PLEKHM1: variants seen among roughly 807,000 people sequenced by gnomAD.
PLEKHM1 encodes the protein pleckstrin homology and RUN domain containing M1.
PLEKHM1 carries 28 observed loss-of-function variants against 94.3 expected under a neutral mutation model. The observed-to-expected ratio is 0.30, with a 90% CI of 0.22 to 0.41. The LOEUF (loss-of-function observed/expected upper bound fraction) is 0.41, where lower values mean the gene tolerates loss of function less well. Among genes scored for constraint, PLEKHM1 ranks in the 10% least tolerant of loss-of-function variants. The pLI, the probability that PLEKHM1 is intolerant of heterozygous loss-of-function variation, is 1.00. For synonymous variants in PLEKHM1, 424 were observed against 581.2 expected (o/e 0.73, Z 3.89); for missense variants, 907 against 1,358.6 (o/e 0.67, Z 5.22).
At chr17:45,481,404 GA>G (rs1184160275) in intron 2 of PLEKHM1, among the ~76,000 whole-genome samples, 1 of 150,978 alleles carries the variant, frequency 6.6e-6, no homozygotes, top group Non-Finnish European at 1.5e-5. Context: ...TTTTAATCTT[GA>G]AATAGTCTAA....
chr17:45,453,004 G>C lies in PLEKHM1; in HGVS notation c.2497+351C>G. 2 of 484,190 alleles carry C rather than the reference G, an allele frequency of 4.1e-6. No homozygotes were observed. Among genetic ancestry groups the C allele is most frequent in the Admixed American group, 6.7e-5 (2 of 30,042 alleles). 30.0% of individuals were successfully genotyped at this position (484,190 alleles called of 1,614,324 possible). On this transcript the variant is annotated intron_variant, in intron 7 of 11. Coordinates refer to ENST00000430334, the MANE Select transcript of PLEKHM1 (RefSeq NM_014798.3). The surrounding 1 kb of genome is among the most constrained non-coding windows in gnomAD (Gnocchi z 4.1). ...CTTATAAAAGCAGCAGAAATATTTG[G>C]AAGGAAACCATGCCCCTGCTCTGAA...
chr17:45,452,020 T>C (rs1220855113), intron 7 of PLEKHM1, among the ~76,000 whole-genome samples: 1 of 152,088 alleles, frequency 6.6e-6, no homozygotes, highest in Non-Finnish European at 1.5e-5. Flanking sequence ...GAAACAGGCT[T>C]CCCTCCAGTC....
chr17:45,453,795 T>C lies in PLEKHM1; in HGVS notation c.2057A>G (p.Lys686Arg). 2 of 1,614,000 alleles carry C rather than the reference T, an allele frequency of 1.2e-6. No homozygotes were observed. The highest frequency in any genetic ancestry group is 1.3e-5 in the African/African-American group (1 of 75,070). ...SAQVPEPDAI[K>R]ESLLYLYMDR... is the part of the protein sequence containing the mutation. ...CATGTACAAGTACAGCAGGGACTCC[T>C]TGATGGCATCTGGCTCTGGAACCTG... Residue 686 changes from lysine (K) to arginine (R), a missense_variant, in exon 7 of 12, where the codon AAG becomes AGG. Lys to Arg is a conservative substitution (Grantham distance 26). Transcript: ENST00000430334. This position sits in a 1 kb window ranked among gnomAD's most constrained non-coding sequence, Gnocchi z 4.1.
chr17:45,486,561 G>A (rs2052137110), intron 1 of PLEKHM1, among the ~76,000 whole-genome samples: 3 of 151,674 alleles, frequency 2.0e-5, no homozygotes, highest in Non-Finnish European at 4.4e-5. Context: ...GCAACAGAGC[G>A]AGACTCCATC....
At chr17:45,438,883 C>T (rs969343697) in intron 11 of PLEKHM1, among the ~76,000 whole-genome samples, 1 of 152,218 alleles carries the variant, frequency 6.6e-6, no homozygotes, top group Admixed American at 6.5e-5. Context: ...AAAAACTCAG[C>T]CCCAGGCCCA....
At chr17:45,474,823 C>T (rs114089756) in intron 4 of PLEKHM1, among the ~76,000 whole-genome samples, 2,659 of 152,318 alleles carry the variant, frequency 0.017, 72 homozygotes, top group African/African-American at 0.06. Context: ...TGAGCCACCG[C>T]ACCCGGCCAA....
In PLEKHM1 at chr17:45,483,146, T is replaced by G. The variant is rs536856254; in HGVS notation, c.-41-621A>C. Among the ~76,000 whole-genome samples, 781 of 151,938 alleles carry G rather than the reference T, an allele frequency of 5.1e-3. 6 individuals are homozygous for G. The highest frequency in any genetic ancestry group is 0.018 in the African/African-American group (741 of 41,412). On this transcript the variant is annotated intron_variant, in intron 1 of 11. Transcript: ENST00000430334. ...TGAGCAGCACAGACAGGGACGTGTC[T>G]AACCGGGATGACCATGAGGTCTCAT...
chr17:45,441,872 G>A (rs1433601133), intron 9 of PLEKHM1, among the ~76,000 whole-genome samples: 1 of 152,214 alleles, frequency 6.6e-6, no homozygotes, highest in Non-Finnish European at 1.5e-5. Flanking sequence ...GAGGAATCTG[G>A]ACGGCTCTCC....
chr17:45,474,336 C>T lies in PLEKHM1; in HGVS notation c.923+764G>A, dbSNP rs12451518. Among the ~76,000 whole-genome samples, 473 of 152,104 alleles carry T rather than the reference C, an allele frequency of 3.1e-3. 2 individuals are homozygous for T. The highest frequency in any genetic ancestry group is 0.011 in the African/African-American group (440 of 41,430). ...CCTCCCAAGGTGCTGGGATTACAGG[C>T]GTGAGCCACCGTGCCCAGCTGCAAA... On this transcript the variant is annotated intron_variant, in intron 4 of 11. Coordinates refer to ENST00000430334, the MANE Select transcript of PLEKHM1 (RefSeq NM_014798.3).
rs531876914 is a variant in PLEKHM1 at position 45,477,905 on chromosome 17, G to C, written c.291C>G (p.Thr97=). 6.2e-6 allele frequency: 10 copies of C among 1,613,920 alleles called. No individual in the cohort carries two copies. The African/African-American group carries it at 8.0e-5, about 13-fold the overall frequency. The change falls in exon 3 of 12, where the codon ACC becomes ACG. Residue 97 remains threonine (T), a synonymous_variant. Transcript: ENST00000430334. ...CCTCTCCAGCTAAATCTCACTTGTG[G>C]GTGACAGCTTTCAGGAGGGGCCAGA... ...PVFWPLLKAV[T]HKHIISELEH...
intron 4 of PLEKHM1, among the ~76,000 whole-genome samples, chr17:45,474,881 C>G (rs1040011088): frequency 4.6e-5 from 7 of 152,168 alleles, no homozygotes; most frequent in Non-Finnish European, 7.4e-5. Flanking sequence ...CAAACCAGCT[C>G]TAAGCTGTTC....
chr17:45,477,634 T>C, intron 3 of PLEKHM1: 2 of 517,932 alleles, frequency 3.9e-6, no homozygotes, highest in Middle Eastern at 1.1e-3. Context: ...GTGGCCAGTC[T>C]CACCTGCTTT....
intron 5 of PLEKHM1, among the ~76,000 whole-genome samples, chr17:45,466,744 G>A (rs1447833774): frequency 1.3e-5 from 2 of 152,050 alleles, no homozygotes; most frequent in Non-Finnish European, 2.9e-5. Context: ...CCATTGGCCA[G>A]GATAAAGAGC....
intron 4 of PLEKHM1, among the ~76,000 whole-genome samples, chr17:45,469,405 G>T (rs545703085): frequency 6.6e-6 from 1 of 152,294 alleles, no homozygotes; most frequent in Admixed American, 6.5e-5. Flanking sequence ...TGGGCCCTCT[G>T]GAATGTGCAC....
At chr17:45,463,841 CAG>C (rs1366863553) in intron 5 of PLEKHM1, 1 of 152,386 alleles carries the variant, frequency 6.6e-6, no homozygotes, top group Non-Finnish European at 1.5e-5. Context: ...CGACCCAAGA[CAG>C]AGAAATGCCA....
Position 45,475,251 on chromosome 17 carries a change from T to C in PLEKHM1, c.772A>G (p.Ser258Gly). ...AGGCTGCAGGACAGCTGGGATGAAC[T>C]GGCCGTGTCCAGGCTGAGGGAGGAG... ...TASSLSLDTA[S>G]SSQLSCSLNS... The change falls in exon 4 of 12, where the codon AGT becomes GGT. Residue 258 changes from serine to glycine, a missense_variant. Around this residue, in one of 3 missense-constraint regions of PLEKHM1, gnomAD observed 477 missense variants for 601.5 expected, o/e 0.79. Coordinates refer to ENST00000430334, the MANE Select transcript of PLEKHM1 (RefSeq NM_014798.3). 1 of 1,613,984 alleles carries C rather than the reference T, an allele frequency of 6.2e-7. No homozygotes were observed. The highest frequency in any genetic ancestry group is 8.5e-7 in the Non-Finnish European group (1 of 1,179,860).
intron 10 of PLEKHM1, chr17:45,439,946 GT>G: frequency 3.1e-6 from 2 of 637,062 alleles, no homozygotes; most frequent in East Asian, 5.4e-5. Context: ...TGATCCTGGG[GT>G]TGCTGGAGTG....
chr17:45,464,772 ACCTGACCAC>A (rs2051268887), intron 5 of PLEKHM1, among the ~76,000 whole-genome samples: 1 of 151,962 alleles, frequency 6.6e-6, no homozygotes, highest in Admixed American at 6.6e-5. Context: ...GATCACACCA[ACCTGACCAC>A]CCTGTCCACT....
chr17:45,473,230 T>C (rs1380365629), intron 4 of PLEKHM1, among the ~76,000 whole-genome samples: 1 of 152,062 alleles, frequency 6.6e-6, no homozygotes, highest in East Asian at 1.9e-4. Flanking sequence ...CCAGCACCCA[T>C]TAAATACTGG....
Sources: gnomAD v4.1 joint callset for allele counts (sites outside exome capture counted in the v4.1 genomes callset) on GRCh38, gnomAD v4.1.1 for gene constraint, gnomAD v4.1.1 regional missense constraint, Gnocchi (gnomAD v3.1) non-coding constraint, MANE v1.5 for transcripts, NCBI Gene and HGNC (gene_info 2026-07-23, HGNC 2026-07-21) for gene names.